USP4: variants seen among roughly 807,000 people sequenced by gnomAD.
USP4 encodes ubiquitin carboxyl-terminal hydrolase 4.
USP4 carries 72 observed loss-of-function variants against 118.2 expected under a neutral mutation model. The ratio of observed to expected loss-of-function variants is 0.61; its 90% CI spans 0.50 to 0.74. The LOEUF (loss-of-function observed/expected upper bound fraction) is 0.74. USP4 is among the 30% of genes least tolerant of loss of function. The pLI, the probability that USP4 is intolerant of heterozygous loss-of-function variation, is 0.00. For synonymous variants in USP4, 415 were observed against 440.4 expected (o/e 0.94, Z 0.72); for missense variants, 1,037 against 1,185.7 (o/e 0.87, Z 1.84).
chr3:49,322,013 A>C (rs2047508031), intron 6 of USP4, among the ~76,000 whole-genome samples: 1 of 152,010 alleles, frequency 6.6e-6, no homozygotes, highest in Non-Finnish European at 1.5e-5. Flanking sequence ...CAAAAAAACA[A>C]AACCCCTGAG....
chr3:49,287,469 A>G (rs1229913811), intron 15 of USP4, among the ~76,000 whole-genome samples: 5 of 151,422 alleles, frequency 3.3e-5, no homozygotes, highest in Admixed American at 6.6e-5. Context: ...ACACAACTTA[A>G]AGGTCAATTG....
chr3:49,292,611 A>G lies in USP4; in HGVS notation c.1884-13T>C, dbSNP rs1346382232. ...TTTCACATAGCGGCTTCAAAAAGAGAAAAAGAGAAGAAAAAAAAGATTGTT... is the reference window on the plus strand; with the variant it reads ...TTTCACATAGCGGCTTCAAAAAGAGGAAAAGAGAAGAAAAAAAAGATTGTT... On this transcript the variant is annotated splice_polypyrimidine_tract_variant and intron_variant, in intron 14 of 21. Coordinates refer to ENST00000265560, the MANE Select transcript of USP4 (RefSeq NM_003363.4). The G allele has an allele frequency of 6.5e-7, 1 of 1,547,134 alleles. No individual in the cohort carries two copies. The highest frequency in any genetic ancestry group is 8.7e-7 in the Non-Finnish European group (1 of 1,145,180).
Position 49,327,735 on chromosome 3 carries a change from A to T in USP4, c.311T>A (p.Leu104Gln). Reference sequence around the variant, plus strand: ...TTCTACACAGCCGTACCAGTTTAGTAGTTTATTCCACGCCTCGGTAGGGAC... The same window carrying T: ...TTCTACACAGCCGTACCAGTTTAGTTGTTTATTCCACGCCTCGGTAGGGAC... ...VLVPTEAWNK[L>Q]LNWYGCVEGQ... The change falls in exon 3 of 22, where the codon CTA (leucine) becomes CAA (glutamine). Residue 104 changes from leucine (L) to glutamine (Q), a missense_variant. Transcript: ENST00000265560. 6.2e-7 allele frequency: 1 copy of T among 1,614,134 alleles called. No individual in the cohort carries two copies. Among genetic ancestry groups the T allele is most frequent in the Non-Finnish European group, 8.5e-7 (1 of 1,179,998 alleles).
At chr3:49,335,162 G>A (rs2107806335) in intron 2 of USP4, among the ~76,000 whole-genome samples, 1 of 152,250 alleles carries the variant, frequency 6.6e-6, no homozygotes, top group African/African-American at 2.4e-5. Context: ...ATTTCAAAAT[G>A]ACATCCTATT....
rs1362715566 is a variant in USP4 at position 49,302,542 on chromosome 3, T to C, written c.1129A>G (p.Thr377Ala). ...TGAGGAGCAAAACGTCCTACTTGAGTCTACAACAAAAGCAACTGTATCAGA... is the reference window on the plus strand; with the variant it reads ...TGAGGAGCAAAACGTCCTACTTGAGCCTACAACAAAAGCAACTGTATCAGA... Reference protein sequence around the residue: ...DAHVAPRMFKTQVGRFAPQFS... With the variant: ...DAHVAPRMFKAQVGRFAPQFS... The change falls in exon 10 of 22, where the codon ACT becomes GCT. Residue 377 changes from threonine (T) to alanine (A), a missense_variant and splice_region_variant. This residue lies in a region of USP4 where 487 missense variants were observed against 534.1 expected (regional missense o/e 0.91). Coordinates refer to ENST00000265560, the MANE Select transcript of USP4 (RefSeq NM_003363.4). 2 of 1,612,338 alleles carry C rather than the reference T, an allele frequency of 1.2e-6. No homozygotes were observed. The highest frequency in any genetic ancestry group is 4.5e-5 in the East Asian group (2 of 44,870).
At chr3:49,312,510 C>T in intron 6 of USP4, 1 of 452,892 alleles carries the variant, frequency 2.2e-6, no homozygotes, top group Non-Finnish European at 4.4e-6. Flanking sequence ...GATGGCGCTA[C>T]TCGGGAAGCT....
In USP4 at chr3:49,311,920, G is replaced by T. The variant is rs1328640455; in HGVS notation, c.696-266C>A. 10 of 1,150,074 alleles carry T rather than the reference G, an allele frequency of 8.7e-6. No homozygotes were observed. The East Asian group carries it at 5.5e-4, about 64-fold the overall frequency. 71.2% of individuals were successfully genotyped at this position (1,150,074 alleles called of 1,614,324 possible). A position where few individuals can be genotyped will look rare whatever the true frequency, so the allele number is the denominator to read the frequency against. On this transcript the variant is annotated intron_variant, in intron 6 of 21. Coordinates refer to ENST00000265560, the MANE Select transcript of USP4 (RefSeq NM_003363.4). ...AGGCTGACCAGGCGCAGTGGCTCGT[G>T]CCTGTAATCCTAGTACTTTGGGAGG...
At chr3:49,284,733 T>C (rs1279877651) in intron 17 of USP4, 116 bp downstream of exon 17, 6 of 1,240,682 alleles carry the variant, frequency 4.8e-6, no homozygotes, top group Non-Finnish European at 7.0e-6. Flanking sequence ...GTGCTTTTCC[T>C]TCTCAGTCTT....
At position 49,286,235 on chromosome 3, in the gene USP4, T is replaced by G. The variant is rs2047089666; in HGVS notation, c.2063A>C (p.Asp688Ala). The change falls in exon 16 of 22, where the codon GAC becomes GCC. Residue 688 changes from aspartate (D) to alanine (A), a missense_variant. Coordinates refer to ENST00000265560, the MANE Select transcript of USP4 (RefSeq NM_003363.4). The part of the protein sequence containing the change: ...EGSGEDEPGN[D>A]PSETTQKKIK... ...CTTCTTTTGGGTGGTCTCACTGGGG[T>G]CATTTCCTGGCTCATCTTCCCCACT... 1.2e-6 allele frequency: 2 copies of G among 1,613,974 alleles called. No homozygotes were observed. Among genetic ancestry groups the G allele is most frequent in the Non-Finnish European group, 8.5e-7 (1 of 1,179,972 alleles).
chr3:49,308,956 C>G (rs895960765), intron 8 of USP4, among the ~76,000 whole-genome samples: 1 of 149,400 alleles, frequency 6.7e-6, no homozygotes, highest in African/African-American at 2.5e-5. Flanking sequence ...TGCTTAAACC[C>G]AGGAGGTGGA....
intron 20 of USP4, among the ~76,000 whole-genome samples, chr3:49,280,490 G>A (rs1156689135): frequency 6.6e-6 from 1 of 151,446 alleles, no homozygotes; most frequent in Non-Finnish European, 1.5e-5. Flanking sequence ...GAACCTGGGA[G>A]GCAGAGCTTG....
At chr3:49,329,365 T>C (rs914005083) in intron 2 of USP4, among the ~76,000 whole-genome samples, 1 of 152,050 alleles carries the variant, frequency 6.6e-6, no homozygotes, top group Non-Finnish European at 1.5e-5. Flanking sequence ...TTAATGTTGA[T>C]TTTGACCTCC....
chr3:49,311,810 A>G, intron 6 of USP4, 156 bp from the exon 7 acceptor site: 1 of 1,349,530 alleles, frequency 7.4e-7, no homozygotes, highest in South Asian at 1.6e-5. Context: ...GGTAAACTTT[A>G]TTTAAGTGAG....
At chr3:49,300,737 C>T in intron 10 of USP4, 46 bp from the exon 11 acceptor site, 2 of 1,567,058 alleles carry the variant, frequency 1.3e-6, no homozygotes, top group Non-Finnish European at 1.7e-6. Flanking sequence ...CTCTCAGCCC[C>T]TTGCCCCTGC....
chr3:49,324,171 G>T (rs2047528217), intron 6 of USP4, among the ~76,000 whole-genome samples: 1 of 151,982 alleles, frequency 6.6e-6, no homozygotes, highest in African/African-American at 2.4e-5. Context: ...GCTAATTTTT[G>T]TATTTTTAGT....
chr3:49,310,708 C>G lies in USP4; in HGVS notation c.866G>C (p.Cys289Ser). ...TATATGAGAGGATGGTGGCTCCTGA[C>G]AATTATACGAAGCAGAAAAGCCAGA... ...GGSGFSASYN[C>S]QEPPSSHIQP... The change falls in exon 8 of 22, where the codon TGT becomes TCT. Residue 289 changes from cysteine to serine, a missense_variant. By Grantham distance (112) the Cys-to-Ser change is moderately radical. Coordinates refer to ENST00000265560, the MANE Select transcript of USP4 (RefSeq NM_003363.4). 6.2e-7 allele frequency: 1 copy of G among 1,614,142 alleles called. No individual in the cohort carries two copies. The highest frequency in any genetic ancestry group is 8.5e-7 in the Non-Finnish European group (1 of 1,180,020).
At chr3:49,292,233 C>T (rs2047158975) in intron 15 of USP4, among the ~76,000 whole-genome samples, 1 of 151,046 alleles carries the variant, frequency 6.6e-6, no homozygotes, top group Non-Finnish European at 1.5e-5. Context: ...TAACAGTGAG[C>T]CATGATTGCA....
chr3:49,278,697 C>A, intron 21 of USP4, 117 bp downstream of exon 21: 2 of 915,440 alleles, frequency 2.2e-6, no homozygotes, highest in East Asian at 2.4e-5. Context: ...AGCTCTGTCA[C>A]ACCTAGCTCC....
intron 4 of USP4, 41 bp from the exon 5 acceptor site, chr3:49,325,080 T>C (rs1253248814): frequency 1.2e-6 from 2 of 1,600,242 alleles, no homozygotes; most frequent in Admixed American, 1.7e-5. Context: ...TTTGTCCACA[T>C]GCAAGGCTAA....
Sources: allele counts gnomAD v4.1 joint callset (sites outside exome capture counted in the v4.1 genomes callset), GRCh38; gene constraint gnomAD v4.1.1; regional missense constraint gnomAD v4.1.1; transcripts MANE v1.5; gene names NCBI Gene and HGNC (gene_info 2026-07-23, HGNC 2026-07-21).